Variants in FOXP1 observed in about 807,000 individuals in gnomAD.
FOXP1 encodes forkhead box P1.
In FOXP1, 15 loss-of-function variants were observed where a neutral mutation model predicts 98.2. That is an observed-to-expected ratio of 0.15 (90% CI 0.10 to 0.24). The LOEUF (loss-of-function observed/expected upper bound fraction) is 0.24. Among genes scored for constraint, FOXP1 ranks in the 10% least tolerant of loss-of-function variants. The pLI, the probability that FOXP1 is intolerant of heterozygous loss-of-function variation, is 1.00. For missense variants in FOXP1, 633 were observed against 848.5 expected (o/e 0.75, Z 3.15); for synonymous variants, 371 against 314.5 (o/e 1.18, Z -1.90).
At chr3:71,573,138 A>G (rs1000805913) in intron 2 of FOXP1, among the ~76,000 whole-genome samples, 3 of 152,236 alleles carry the variant, frequency 2.0e-5, no homozygotes, top group Non-Finnish European at 2.9e-5. Flanking sequence ...TAACAAAGAG[A>G]TACTCTGTAT....
chr3:70,972,380 A>G, intron 18 of FOXP1, 175 bp downstream of exon 18: 1 of 982,530 alleles, frequency 1.0e-6, no homozygotes, highest in Admixed American at 1.9e-5. Context: ...CAAGCAGGGC[A>G]GGGGGACTGG....
chr3:71,384,485 A>G (rs990441257), intron 3 of FOXP1, among the ~76,000 whole-genome samples: 3 of 152,212 alleles, frequency 2.0e-5, no homozygotes, highest in South Asian at 2.1e-4. Context: ...CCCACAGGGT[A>G]TAAGATAAAA....
At chr3:71,076,508 G>A (rs1173511557) in intron 7 of FOXP1, among the ~76,000 whole-genome samples, 1 of 152,176 alleles carries the variant, frequency 6.6e-6, no homozygotes, top group Non-Finnish European at 1.5e-5. Flanking sequence ...GCAGGACCGG[G>A]AAGGGCATCT....
intron 6 of FOXP1, among the ~76,000 whole-genome samples, chr3:71,159,663 C>T (rs911861704): frequency 2.6e-5 from 4 of 152,064 alleles, no homozygotes; most frequent in Non-Finnish European, 5.9e-5. Flanking sequence ...TTCAGCAGTC[C>T]TTTCTATGAT....
chr3:71,569,168 A>C (rs2047140233), intron 2 of FOXP1, among the ~76,000 whole-genome samples: 1 of 152,212 alleles, frequency 6.6e-6, no homozygotes, highest in Non-Finnish European at 1.5e-5. Flanking sequence ...AGAGCTCAAG[A>C]AAAAGCAAGA....
chr3:71,240,528 T>C (rs968784166), intron 5 of FOXP1, among the ~76,000 whole-genome samples: 1 of 145,942 alleles, frequency 6.9e-6, no homozygotes, highest in Non-Finnish European at 1.5e-5. Flanking sequence ...CATTCAGTCA[T>C]ATCTCAGAAT....
intron 19 of FOXP1, chr3:70,970,494 GA>G: frequency 1.9e-6 from 1 of 518,038 alleles, no homozygotes. Flanking sequence ...TGATACTGCT[GA>G]TAAATATTAA....
chr3:71,249,824 A>T (rs1451755442), intron 5 of FOXP1, among the ~76,000 whole-genome samples: 1 of 152,194 alleles, frequency 6.6e-6, no homozygotes, highest in Non-Finnish European at 1.5e-5. Context: ...TGGCTGCCCT[A>T]TTTCTTCAGC....
At chr3:71,082,488 T>A (rs1381974776) in intron 7 of FOXP1, among the ~76,000 whole-genome samples, 42 of 127,672 alleles carry the variant, frequency 3.3e-4, no homozygotes, top group African/African-American at 5.1e-4. Context: ...GGGTGGGGGG[T>A]AGGGGAGGGA....
chr3:71,488,724 T>A (rs2090843642), intron 3 of FOXP1, among the ~76,000 whole-genome samples: 1 of 152,196 alleles, frequency 6.6e-6, no homozygotes, highest in African/African-American at 2.4e-5. Context: ...AAGTTGACAC[T>A]GTCTTCGCAT....
chr3:71,403,032 C>T (rs962301112), intron 3 of FOXP1, among the ~76,000 whole-genome samples: 9 of 152,196 alleles, frequency 5.9e-5, no homozygotes, highest in Admixed American at 1.3e-4. Flanking sequence ...GCACCCTCTT[C>T]GTCAGATAAG....
At chr3:71,010,531 G>A (rs1287036063) in intron 12 of FOXP1, among the ~76,000 whole-genome samples, 2 of 152,048 alleles carry the variant, frequency 1.3e-5, no homozygotes, top group East Asian at 3.9e-4. Context: ...TATTACTAGG[G>A]GAGTGTAAAA....
chr3:71,297,969 A>G (rs1236809703), intron 5 of FOXP1, among the ~76,000 whole-genome samples: 1 of 152,108 alleles, frequency 6.6e-6, no homozygotes, highest in Non-Finnish European at 1.5e-5. Flanking sequence ...TGAGTTAGAC[A>G]TGTGGCACCA....
intron 2 of FOXP1, among the ~76,000 whole-genome samples, chr3:71,566,721 G>GA (rs1023958951): frequency 2.0e-4 from 30 of 152,012 alleles, no homozygotes; most frequent in African/African-American, 7.2e-4. Context: ...CTGTTCTCTG[G>GA]AAAAAAAGCA....
chr3:71,130,786 C>T (rs2059526884), intron 6 of FOXP1: 2 of 1,437,976 alleles, frequency 1.4e-6, no homozygotes, highest in Non-Finnish European at 1.8e-6. Context: ...TAATTCTTCA[C>T]TTTCAAAGTT....
At chr3:71,286,900 T>C (rs1373956003) in intron 5 of FOXP1, among the ~76,000 whole-genome samples, 1 of 152,186 alleles carries the variant, frequency 6.6e-6, no homozygotes, top group African/African-American at 2.4e-5. Flanking sequence ...AATCACAACA[T>C]CTTTTATGAA....
intron 2 of FOXP1, chr3:71,572,676 G>C (rs2047427202): frequency 1.3e-5 from 2 of 152,200 alleles, no homozygotes; most frequent in Admixed American, 1.3e-4. Flanking sequence ...GCTGCGAACA[G>C]TGGTAAAGTA....
At chr3:71,195,445 C>A (rs2063238161) in intron 6 of FOXP1, among the ~76,000 whole-genome samples, 1 of 152,164 alleles carries the variant, frequency 6.6e-6, no homozygotes. Context: ...ACTGGAAAAT[C>A]CTCCAACATT....
chr3:70,987,257 T>C (rs1225782205), intron 14 of FOXP1, among the ~76,000 whole-genome samples: 1 of 152,214 alleles, frequency 6.6e-6, no homozygotes, highest in East Asian at 1.9e-4. Flanking sequence ...ATCGATTTAT[T>C]ACAAGGAAGG....
Sources: allele counts gnomAD v4.1 joint callset (sites outside exome capture counted in the v4.1 genomes callset), GRCh38; gene constraint gnomAD v4.1.1; transcripts MANE v1.5; gene names NCBI Gene and HGNC (gene_info 2026-07-23, HGNC 2026-07-21).